Variants in RNLS observed in about 807,000 individuals in gnomAD.
The protein encoded by RNLS is renalase.
A neutral mutation model predicts 39.8 loss-of-function variants in RNLS; 39 were observed. That is an observed-to-expected ratio of 0.98 (90% CI 0.76 to 1.28). RNLS has a LOEUF of 1.28. RNLS is among the 50% of genes most tolerant of loss of function. RNLS has a pLI of 0.00. For synonymous variants in RNLS, 147 were observed against 150.7 expected (o/e 0.98, Z 0.18); for missense variants, 410 against 413.3 (o/e 0.99, Z 0.07).
intron 4 of RNLS, among the ~76,000 whole-genome samples, chr10:88,407,650 A>G (rs554693716): frequency 1.3e-5 from 2 of 152,216 alleles, no homozygotes; most frequent in Non-Finnish European, 2.9e-5. Flanking sequence ...TAAATAAAAC[A>G]GTCACAGTTC....
chr10:88,267,646 A>G, the RNLS span, among the ~76,000 whole-genome samples: 1 of 152,202 alleles, frequency 6.6e-6, no homozygotes, highest in Admixed American at 6.6e-5. Flanking sequence ...AATACCACCA[A>G]TACATACTTT....
At chr10:88,378,588 A>G (rs576771947) in intron 4 of RNLS, among the ~76,000 whole-genome samples, 7 of 152,306 alleles carry the variant, frequency 4.6e-5, no homozygotes, top group African/African-American at 1.4e-4. Flanking sequence ...CATTCTAGAG[A>G]GGCTCCTGCC....
At chr10:88,289,939 A>G (rs1284958797) in intron 6 of RNLS, among the ~76,000 whole-genome samples, 1 of 152,108 alleles carries the variant, frequency 6.6e-6, no homozygotes, top group Admixed American at 6.6e-5. Flanking sequence ...GAACCACATA[A>G]ACTTGCTGAT....
the RNLS span, among the ~76,000 whole-genome samples, chr10:88,232,894 G>A: frequency 6.6e-6 from 1 of 152,194 alleles, no homozygotes; most frequent in Non-Finnish European, 1.5e-5. Flanking sequence ...AGTAATAATG[G>A]TTACTATTAA....
chr10:88,501,105 T>G (rs1222505605), intron 4 of RNLS, among the ~76,000 whole-genome samples: 1 of 152,000 alleles, frequency 6.6e-6, no homozygotes, highest in Non-Finnish European at 1.5e-5. Context: ...TTATTATTAT[T>G]TTGAAACTAC....
At chr10:88,311,057 TA>T (rs1215729169) in intron 6 of RNLS, among the ~76,000 whole-genome samples, 1 of 151,990 alleles carries the variant, frequency 6.6e-6, no homozygotes, top group Non-Finnish European at 1.5e-5. Flanking sequence ...ATTTGGAGAT[TA>T]AAAAATAAAG....
At position 88,458,745 on chromosome 10, in the gene RNLS, G is replaced by GA. The variant is rs370150520; in HGVS notation, c.527-96021dup. ...AGTATTTGTGTATGGATTATGTCAG[G>GA]AAAAAAAACCCATGATAACAGTCCT... On this transcript the variant is annotated intron_variant, in intron 4 of 6. Coordinates refer to ENST00000331772, the MANE Select transcript of RNLS (RefSeq NM_001031709.3). 1.5e-3 allele frequency among the ~76,000 whole-genome samples: 235 copies of GA among 151,760 alleles called. 1 individual carries two copies. Among genetic ancestry groups the GA allele is most frequent in the Non-Finnish European group, 2.8e-3 (189 of 67,878 alleles).
chr10:88,296,359 G>C (rs1844098698), intron 6 of RNLS, among the ~76,000 whole-genome samples: 1 of 152,018 alleles, frequency 6.6e-6, no homozygotes, highest in South Asian at 2.1e-4. Flanking sequence ...GTTGACAGCT[G>C]GTTAATTTCC....
downstream of RNLS, among the ~76,000 whole-genome samples, chr10:88,282,778 A>G (rs1250953347): frequency 6.6e-6 from 1 of 152,130 alleles, no homozygotes; most frequent in Non-Finnish European, 1.5e-5. Flanking sequence ...TTTCACTGCT[A>G]TAATTTGTCA....
At chr10:88,515,635 C>T (rs892253972) in intron 4 of RNLS, among the ~76,000 whole-genome samples, 3 of 152,030 alleles carry the variant, frequency 2.0e-5, no homozygotes, top group South Asian at 4.2e-4. Flanking sequence ...CCTGCTTTCT[C>T]CCTTAGATCA....
chr10:88,396,409 T>C (rs1042700405), intron 4 of RNLS, among the ~76,000 whole-genome samples: 6 of 151,762 alleles, frequency 4.0e-5, no homozygotes, highest in East Asian at 1.9e-4. Context: ...CCAAACTAGA[T>C]TGTTGTAAAT....
At chr10:88,557,613 C>CA (rs1848943492) in intron 4 of RNLS, among the ~76,000 whole-genome samples, 1 of 151,976 alleles carries the variant, frequency 6.6e-6, no homozygotes, top group Non-Finnish European at 1.5e-5. Flanking sequence ...TCCTCCCATT[C>CA]TTTTTTTTAT....
intron 4 of RNLS, among the ~76,000 whole-genome samples, chr10:88,430,538 A>G (rs1855069578): frequency 6.6e-6 from 1 of 151,854 alleles, no homozygotes; most frequent in African/African-American, 2.4e-5. Flanking sequence ...GAACAAAAGT[A>G]GTAACAGCAG....
the RNLS span, among the ~76,000 whole-genome samples, chr10:88,265,110 T>C: frequency 6.6e-6 from 1 of 152,098 alleles, no homozygotes; most frequent in Non-Finnish European, 1.5e-5. Context: ...CCCTACTTTG[T>C]TTTTGTTTGC....
intron 5 of RNLS, among the ~76,000 whole-genome samples, chr10:88,315,170 T>C (rs573111829): frequency 1.6e-3 from 247 of 152,344 alleles, no homozygotes; most frequent in Non-Finnish European, 2.9e-3. Flanking sequence ...CCTCATAATA[T>C]TCTTCTCTAT....
At chr10:88,188,473 T>C in the RNLS span, among the ~76,000 whole-genome samples, 1 of 152,352 alleles carries the variant, frequency 6.6e-6, no homozygotes, top group East Asian at 1.9e-4. Flanking sequence ...AAAATCAGGC[T>C]TTACAAGCAG....
the RNLS span, among the ~76,000 whole-genome samples, chr10:88,244,120 A>G: frequency 7.8e-3 from 1,190 of 152,342 alleles, 18 homozygotes; most frequent in African/African-American, 0.027. Flanking sequence ...TTAGGCAAGA[A>G]GAGAGTGGGG....
Position 88,284,822 on chromosome 10 carries a change from C to A in RNLS, c.*532G>T. 1 of 985,226 alleles carries A rather than the reference C, an allele frequency of 1.0e-6. No homozygotes were observed. The highest frequency in any genetic ancestry group is 1.2e-6 in the Non-Finnish European group (1 of 829,862). The allele number at this position is 985,226 out of a possible 1,614,324, so 61.0% of individuals were successfully genotyped here. ...CACACTAAGATGATGACATATATGA[C>A]CTACAATTCAGGATCACTTAATAAC... On this transcript the variant is annotated 3_prime_UTR_variant, in exon 7 of 7. Coordinates refer to ENST00000331772, the MANE Select transcript of RNLS (RefSeq NM_001031709.3).
chr10:88,520,148 G>A (rs1328905436), intron 4 of RNLS, among the ~76,000 whole-genome samples: 1 of 151,940 alleles, frequency 6.6e-6, no homozygotes, highest in African/African-American at 2.4e-5. Flanking sequence ...AAGAGGTACT[G>A]CTCCAAAGGC....
Sources: allele counts gnomAD v4.1 joint callset (sites outside exome capture counted in the v4.1 genomes callset), GRCh38; gene constraint gnomAD v4.1.1; transcripts MANE v1.5; gene names NCBI Gene and HGNC (gene_info 2026-07-23, HGNC 2026-07-21).